The following MAP3K13 variants were observed in gnomAD, a reference collection of about 807,000 sequenced individuals.
MAP3K13 encodes the protein leucine zipper-bearing kinase.
A neutral mutation model predicts 104.0 loss-of-function variants in MAP3K13; 52 were observed. The ratio of observed to expected loss-of-function variants is 0.50; its 90% CI spans 0.40 to 0.63. The LOEUF (loss-of-function observed/expected upper bound fraction) is 0.63, where lower values mean the gene tolerates loss of function less well. Among genes scored for constraint, MAP3K13 ranks in the 20% least tolerant of loss-of-function variants. The probability of loss-of-function intolerance (pLI) is 0.00; values close to 1 mark genes in which losing one functional copy is unlikely to be tolerated. For missense variants in MAP3K13, 914 were observed against 1,218.5 expected, an observed-to-expected ratio of 0.75 and a Z score of 3.72; for synonymous variants, 394 against 442.2, an observed-to-expected ratio of 0.89 and a Z score of 1.37.
At chr3:185,459,670 G>A (rs375487520) in intron 7 of MAP3K13, among the ~76,000 whole-genome samples, 2 of 151,960 alleles carry the variant, frequency 1.3e-5, no homozygotes, top group African/African-American at 4.8e-5. Flanking sequence ...AGCTGGTCTC[G>A]AACTCCTGAC....
chr3:185,455,096 G>T lies in MAP3K13; in HGVS notation c.1278+3701G>T, dbSNP rs868540888. Among the ~76,000 whole-genome samples, 15 of 108,192 alleles carry T rather than the reference G, an allele frequency of 1.4e-4. 1 individual carries two copies. The highest frequency in any genetic ancestry group is 2.5e-4 in the African/African-American group (7 of 27,970). The allele number at this position is 108,192 out of a possible 152,430, so 71.0% of individuals were successfully genotyped here. ...AGATATATGTGAGATATATATATGAGATATATGTGAGATATATGAGATATA... is the reference window on the plus strand; with the variant it reads ...AGATATATGTGAGATATATATATGATATATATGTGAGATATATGAGATATA... On this transcript the variant is annotated intron_variant, in intron 7 of 13. Transcript: ENST00000265026.
intron 2 of MAP3K13, among the ~76,000 whole-genome samples, chr3:185,346,099 A>T (rs1414017542): frequency 6.6e-6 from 1 of 152,252 alleles, no homozygotes; most frequent in Non-Finnish European, 1.5e-5. Flanking sequence ...ACTGTGTTAT[A>T]CAAGAGATCT....
At position 185,468,223 on chromosome 3, in the gene MAP3K13, C is replaced by A. The variant is rs142338025; in HGVS notation, c.1643+1260C>A. On this transcript the variant is annotated intron_variant, in intron 10 of 13. Transcript: ENST00000265026. ...ACTCATCATGGAAACAAAAGCAGGG[C>A]CTTTGATAATTACCTATATCTAACC... Among the ~76,000 whole-genome samples, 427 of 152,128 alleles carry A rather than the reference C, an allele frequency of 2.8e-3. 3 individuals carry two copies. The highest frequency in any genetic ancestry group is 9.5e-3 in the African/African-American group (395 of 41,502).
chr3:185,447,639 T>C (rs1412334190), intron 4 of MAP3K13, 150 bp from the exon 5 acceptor site: 16 of 587,852 alleles, frequency 2.7e-5, no homozygotes, highest in Admixed American at 1.6e-4. Flanking sequence ...ATTTCTAGTG[T>C]ATAGCCAATG....
intron 1 of MAP3K13, among the ~76,000 whole-genome samples, chr3:185,383,255 T>C (rs1233063965): frequency 1.3e-5 from 2 of 151,006 alleles, no homozygotes; most frequent in Admixed American, 6.6e-5. Context: ...CTTAATCCAG[T>C]CTATCATTGT....
chr3:185,461,520 T>C (rs1391154310), intron 7 of MAP3K13, among the ~76,000 whole-genome samples: 1 of 152,124 alleles, frequency 6.6e-6, no homozygotes, highest in African/African-American at 2.4e-5. Context: ...TCTATTATTG[T>C]TGTACACTTA....
At chr3:185,456,253 A>G (rs1430049225) in intron 7 of MAP3K13, among the ~76,000 whole-genome samples, 1 of 152,058 alleles carries the variant, frequency 6.6e-6, no homozygotes, top group Non-Finnish European at 1.5e-5. Context: ...TCTCCCCACA[A>G]CTGTGTCTTT....
chr3:185,285,600 G>A, exon 2 of MAP3K13: 1 of 1,533,774 alleles, frequency 6.5e-7, no homozygotes, highest in Non-Finnish European at 8.7e-7. Flanking sequence ...AAAAACATGA[G>A]TCAATATGTA....
At chr3:185,317,420 A>C (rs1368799965) in intron 2 of MAP3K13, among the ~76,000 whole-genome samples, 1 of 152,214 alleles carries the variant, frequency 6.6e-6, no homozygotes, top group Non-Finnish European at 1.5e-5. Context: ...GGTTTCCTGA[A>C]GCCTTTTCAT....
Position 185,455,207 on chromosome 3 carries a change from A to G in MAP3K13, c.1278+3812A>G, listed in dbSNP as rs111211942. Among the ~76,000 whole-genome samples the G allele has an allele frequency of 5.9e-3, 668 of 112,310 alleles. 32 individuals carry two copies. Among genetic ancestry groups the G allele is most frequent in the African/African-American group, 0.02 (646 of 31,924 alleles). The allele number at this position is 112,310 out of a possible 152,430, so 73.7% of individuals were successfully genotyped here. Reference sequence around the variant, plus strand: ...TATATATGAGATATATATATGATATATATGAGATATATATATGATATATAT... The same window carrying G: ...TATATATGAGATATATATATGATATGTATGAGATATATATATGATATATAT... On this transcript the variant is annotated intron_variant, in intron 7 of 13. Coordinates refer to ENST00000265026, the MANE Select transcript of MAP3K13 (RefSeq NM_004721.5).
chr3:185,285,791 T>C (rs1476974723), intron 2 of MAP3K13: 1 of 564,104 alleles, frequency 1.8e-6, no homozygotes, highest in East Asian at 2.9e-5. Context: ...TTGTTTTGTA[T>C]ATATGAAGCA....
intron 1 of MAP3K13, among the ~76,000 whole-genome samples, chr3:185,388,501 C>CA (rs773931820): frequency 6.6e-6 from 1 of 150,576 alleles, no homozygotes; most frequent in East Asian, 1.9e-4. Flanking sequence ...GACCCTGGCT[C>CA]AAAAAAAGAA....
At chr3:185,333,848 G>A (rs1475462475) in intron 2 of MAP3K13, among the ~76,000 whole-genome samples, 1 of 152,198 alleles carries the variant, frequency 6.6e-6, no homozygotes, top group Non-Finnish European at 1.5e-5. Context: ...GAGCTCAGGA[G>A]TTCAAGACCA....
chr3:185,479,813 G>A (rs1194793500), intron 12 of MAP3K13, among the ~76,000 whole-genome samples: 1 of 152,158 alleles, frequency 6.6e-6, no homozygotes, highest in African/African-American at 2.4e-5. Flanking sequence ...TCTCTTCCTG[G>A]CTTGCAGACA....
chr3:185,434,621 G>GA (rs1337882675), intron 2 of MAP3K13, among the ~76,000 whole-genome samples: 2 of 152,120 alleles, frequency 1.3e-5, no homozygotes, highest in Non-Finnish European at 2.9e-5. Context: ...TGAAAAAGTA[G>GA]AAAAAATTAG....
rs575461002 is a variant in MAP3K13 at position 185,486,024 on chromosome 3, C to G, written c.*3568C>G. On this transcript the variant is annotated 3_prime_UTR_variant, in exon 14 of 14. Transcript: ENST00000265026. ...CTCTCTGGTTCATTATTCCTTGGAA[C>G]AGAGATGCTACAACTCTATGTCTTC... 6.6e-6 allele frequency: 1 copy of G among 152,336 alleles called. No homozygotes were observed. Among genetic ancestry groups the G allele is most frequent in the South Asian group, 2.1e-4 (1 of 4,832 alleles). 9.4% of individuals were successfully genotyped at this position (152,336 alleles called of 1,614,324 possible). A position where few individuals can be genotyped will look rare whatever the true frequency, so the allele number is the denominator to read the frequency against.
At chr3:185,342,949 G>A (rs901196226) in intron 2 of MAP3K13, among the ~76,000 whole-genome samples, 3 of 151,948 alleles carry the variant, frequency 2.0e-5, no homozygotes, top group Non-Finnish European at 2.9e-5. Context: ...GTGGTTTTAG[G>A]GTGTGGTTGT....
chr3:185,454,604 G>GAT (rs1424133980), intron 7 of MAP3K13, among the ~76,000 whole-genome samples: 24,794 of 44,610 alleles, frequency 0.56, 8,635 homozygotes, highest in Non-Finnish European at 0.74. Flanking sequence ...ATATATATGA[G>GAT]ATATATATGA....
At chr3:185,308,379 T>C (rs553423120) in intron 2 of MAP3K13, among the ~76,000 whole-genome samples, 5 of 152,196 alleles carry the variant, frequency 3.3e-5, no homozygotes, top group Non-Finnish European at 7.3e-5. Context: ...TTCTCAGCAG[T>C]TCCCAGGCAT....
Sources: allele counts gnomAD v4.1 joint callset (sites outside exome capture counted in the v4.1 genomes callset), GRCh38; gene constraint gnomAD v4.1.1; transcripts MANE v1.5; gene names NCBI Gene and HGNC (gene_info 2026-07-23, HGNC 2026-07-21).